Variants in CERS5 observed in about 807,000 individuals in gnomAD.
CERS5 encodes LAG1 homolog, ceramide synthase 5.
CERS5 carries 37 observed loss-of-function variants against 58.9 expected under a neutral mutation model. The ratio of observed to expected loss-of-function variants is 0.63; its 90% CI spans 0.48 to 0.83. CERS5 has a LOEUF of 0.83. Among genes scored for constraint, CERS5 ranks in the 40% least tolerant of loss-of-function variants. The pLI, the probability that CERS5 is intolerant of heterozygous loss-of-function variation, is 0.00. For missense variants in CERS5, 398 were observed against 489.3 expected (o/e 0.81, Z 1.76); for synonymous variants, 147 against 177.8 (o/e 0.83, Z 1.38).
intron 1 of CERS5, among the ~76,000 whole-genome samples, chr12:50,157,186 TG>T (rs1938753581): frequency 6.6e-6 from 1 of 152,198 alleles, no homozygotes; most frequent in South Asian, 2.1e-4. Flanking sequence ...TCTTCAGTTT[TG>T]GGACTTGGAC....
intron 1 of CERS5, among the ~76,000 whole-genome samples, chr12:50,159,789 C>G (rs1310335914): frequency 6.6e-6 from 1 of 151,902 alleles, no homozygotes; most frequent in Non-Finnish European, 1.5e-5. Context: ...TGGGGTTTCA[C>G]CATGTTGGTC....
chr12:50,149,049 C>T (rs1937648765), intron 1 of CERS5, among the ~76,000 whole-genome samples: 1 of 147,162 alleles, frequency 6.8e-6, no homozygotes. Flanking sequence ...AAACAGTAGA[C>T]ATTGATAGGT....
intron 9 of CERS5, 135 bp downstream of exon 9, chr12:50,134,411 A>C: frequency 6.3e-7 from 1 of 1,599,610 alleles, no homozygotes; most frequent in Non-Finnish European, 8.5e-7. Context: ...GAAGAGGCGA[A>C]GACTTTGGAG....
chr12:50,143,310 G>T, intron 2 of CERS5, 106 bp from the exon 3 acceptor site: 1 of 1,337,704 alleles, frequency 7.5e-7, no homozygotes. Context: ...TGGCTCAAGT[G>T]ATGTTTATCT....
intron 6 of CERS5, among the ~76,000 whole-genome samples, chr12:50,136,567 CTA>C (rs766331161): frequency 1.6e-4 from 25 of 152,172 alleles, no homozygotes; most frequent in Non-Finnish European, 3.1e-4. Flanking sequence ...GACCCATACT[CTA>C]TGTTAATGCA....
intron 9 of CERS5, among the ~76,000 whole-genome samples, chr12:50,130,936 T>C (rs1380201466): frequency 6.6e-6 from 1 of 152,132 alleles, no homozygotes; most frequent in Non-Finnish European, 1.5e-5. Context: ...GGTAGAGGAG[T>C]GTGTCTTTCA....
intron 9 of CERS5, chr12:50,133,863 G>A (rs1301390642): frequency 1.7e-6 from 1 of 585,498 alleles, no homozygotes; most frequent in Non-Finnish European, 2.1e-6. Context: ...CACAAGGTCG[G>A]GAGTTAGAGA....
chr12:50,133,811 C>A, intron 9 of CERS5: 1 of 980,112 alleles, frequency 1.0e-6, no homozygotes, highest in Non-Finnish European at 1.2e-6. Flanking sequence ...CGGTGGCTCA[C>A]GCCTGTAATC....
At chr12:50,158,840 A>G (rs1391833022) in intron 1 of CERS5, among the ~76,000 whole-genome samples, 1 of 152,184 alleles carries the variant, frequency 6.6e-6, no homozygotes, top group Non-Finnish European at 1.5e-5. Flanking sequence ...CTTACAAGAA[A>G]TCTTGTATTT....
At chr12:50,131,558 C>CA (rs752634104) in intron 9 of CERS5, among the ~76,000 whole-genome samples, 884 of 69,216 alleles carry the variant, frequency 0.013, 11 homozygotes, top group Non-Finnish European at 0.018. Flanking sequence ...GACTCCATCT[C>CA]AAAAAAAAAA....
rs374177550 is a variant in CERS5, at chr12:50,161,784, G to GAAAAAAAAAAA, written c.197+5306_197+5316dup. Among the ~76,000 whole-genome samples the GAAAAAAAAAAA allele has an allele frequency of 9.4e-4, 85 of 90,878 alleles. 6 individuals carry two copies. The highest frequency in any genetic ancestry group is 3.4e-3 in the African/African-American group (73 of 21,672). 59.6% of individuals were successfully genotyped at this position (90,878 alleles called of 152,430 possible). A position where few individuals can be genotyped will look rare whatever the true frequency, so the allele number is the denominator to read the frequency against. ...AGAGTGAGACTCCGTCTCAAAAAAA[G>GAAAAAAAAAAA]AAAAAAAAAAAAAAAAGCAAAGTTC... On this transcript the variant is annotated intron_variant, in intron 1 of 9. Transcript: ENST00000317551.
Position 50,142,112 on chromosome 12 carries a change from T to G in CERS5, c.435-2A>C. The G allele has an allele frequency of 6.3e-7, 1 of 1,598,216 alleles. No homozygotes were observed. Among genetic ancestry groups the G allele is most frequent in the Non-Finnish European group, 8.6e-7 (1 of 1,167,272 alleles). On this transcript the variant is annotated splice_acceptor_variant, in intron 3 of 9. Transcript: ENST00000317551. LOFTEE classifies it high-confidence loss of function. Reference sequence around the variant, plus strand: ...CATAAATAAAATGTGAATCTCCACCTGGGTGGGCAAAGAGTAAAGGTTAGA... The same window carrying G: ...CATAAATAAAATGTGAATCTCCACCGGGGTGGGCAAAGAGTAAAGGTTAGA...
Position 50,142,034 on chromosome 12 carries a change from A to C in CERS5, c.492+19T>G. On this transcript the variant is annotated intron_variant, in intron 4 of 9. Transcript: ENST00000317551. ...CATGATTAGAACCCAACAGAGGACT[A>C]GAGAAAGTTAAGACTCACCGACCAG... 6.8e-7 allele frequency: 1 copy of C among 1,471,064 alleles called. No individual in the cohort carries two copies. The highest frequency in any genetic ancestry group is 9.5e-7 in the Non-Finnish European group (1 of 1,050,656). 91.1% of individuals were successfully genotyped at this position (1,471,064 alleles called of 1,614,324 possible).
chr12:50,144,819 G>A (rs1423286831), intron 1 of CERS5: 1 of 1,516,954 alleles, frequency 6.6e-7, no homozygotes, highest in East Asian at 2.5e-5. Context: ...ATCAAGCAGA[G>A]TCCCAAGGAT....
At chr12:50,149,028 T>A (rs901628822) in intron 1 of CERS5, among the ~76,000 whole-genome samples, 2 of 149,338 alleles carry the variant, frequency 1.3e-5, no homozygotes, top group Non-Finnish European at 3.0e-5. Flanking sequence ...ATTTTCCCCA[T>A]TTTTTTTCTA....
chr12:50,156,567 C>T (rs141766902), intron 1 of CERS5, among the ~76,000 whole-genome samples: 3 of 151,038 alleles, frequency 2.0e-5, no homozygotes, highest in Non-Finnish European at 2.9e-5. Flanking sequence ...TGCATTCCAG[C>T]GTGGCTGACA....
At chr12:50,140,450 A>T (rs554045678) in intron 4 of CERS5, among the ~76,000 whole-genome samples, 25 of 151,774 alleles carry the variant, frequency 1.6e-4, no homozygotes, top group African/African-American at 6.0e-4. Flanking sequence ...TGCCCGGCTA[A>T]TTTTTTGTAT....
At chr12:50,166,126 C>T in intron 1 of CERS5, 1 of 263,310 alleles carries the variant, frequency 3.8e-6, no homozygotes, top group Non-Finnish European at 7.7e-6. Context: ...AGTTACAGAC[C>T]AGCCTGGCCA....
At chr12:50,133,222 T>A (rs1951433536) in intron 9 of CERS5, 4 of 1,141,428 alleles carry the variant, frequency 3.5e-6, no homozygotes, top group Non-Finnish European at 4.4e-6. Context: ...TTGGTCCTAG[T>A]ATCAGTACCT....
Sources: allele counts gnomAD v4.1 joint callset (sites outside exome capture counted in the v4.1 genomes callset), GRCh38; gene constraint gnomAD v4.1.1; transcripts MANE v1.5; gene names NCBI Gene and HGNC (gene_info 2026-07-23, HGNC 2026-07-21).